RIMS2: variants seen among roughly 807,000 people sequenced by gnomAD.
RIMS2 encodes the protein regulating synaptic membrane exocytosis protein 2.
Under a neutral mutation model 174.4 loss-of-function variants are expected in RIMS2, and 59 were observed. That is an observed-to-expected ratio of 0.34 (90% CI 0.27 to 0.42). The LOEUF (loss-of-function observed/expected upper bound fraction) is 0.42. Ranked by LOEUF, RIMS2 falls within the 10% of genes least tolerant of loss-of-function variation. The pLI is 1.00. For missense variants in RIMS2, 1,620 were observed against 1,666.3 expected (o/e 0.97, Z 0.48); for synonymous variants, 606 against 572.5 (o/e 1.06, Z -0.84).
intron 1 of RIMS2, among the ~76,000 whole-genome samples, chr8:103,660,583 G>T (rs912135152): frequency 3.4e-5 from 5 of 147,378 alleles, no homozygotes; most frequent in South Asian, 2.1e-4. Flanking sequence ...ATGCTGCTTC[G>T]TGGATAAAAA....
intron 1 of RIMS2, among the ~76,000 whole-genome samples, chr8:103,520,414 G>GA (rs1831083589): frequency 1.3e-5 from 2 of 152,162 alleles, no homozygotes; most frequent in South Asian, 4.2e-4. Context: ...ATTTGTCCTT[G>GA]AACATTATCT....
intron 2 of RIMS2, among the ~76,000 whole-genome samples, chr8:103,740,756 CTCTTTAAAAATGTA>C (rs2097754207): frequency 6.6e-6 from 1 of 152,082 alleles, no homozygotes; most frequent in Non-Finnish European, 1.5e-5. Flanking sequence ...CTGTTACAGC[CTCTTTAAAAATGTA>C]TCCAGTGGAA....
intron 1 of RIMS2, among the ~76,000 whole-genome samples, chr8:103,533,687 A>G (rs1179511649): frequency 6.6e-6 from 1 of 151,506 alleles, no homozygotes; most frequent in African/African-American, 2.4e-5. Context: ...AAAAAAGAAA[A>G]AGAAAAAAAC....
chr8:103,946,657 A>C (rs746696087), intron 14 of RIMS2, among the ~76,000 whole-genome samples: 1 of 152,218 alleles, frequency 6.6e-6, no homozygotes, highest in Non-Finnish European at 1.5e-5. Flanking sequence ...CATGAATTAG[A>C]ACACCCAGTA....
intron 19 of RIMS2, chr8:104,223,504 G>T: frequency 2.1e-6 from 3 of 1,400,826 alleles, no homozygotes; most frequent in Admixed American, 3.1e-5. Context: ...TCCGGGCTGG[G>T]TCAGGGAGGC....
intron 3 of RIMS2, among the ~76,000 whole-genome samples, chr8:103,841,483 A>G (rs965094039): frequency 3.9e-5 from 6 of 152,116 alleles, no homozygotes; most frequent in Non-Finnish European, 7.4e-5. Flanking sequence ...CAACCAGGTG[A>G]ATCATCATAA....
chr8:103,701,317 A>G (rs1337933727), intron 2 of RIMS2, among the ~76,000 whole-genome samples: 1 of 152,120 alleles, frequency 6.6e-6, no homozygotes, highest in Admixed American at 6.5e-5. Context: ...ATAGTCGTAC[A>G]TATTAATGTG....
chr8:104,201,520 G>A lies in RIMS2; in HGVS notation c.3335-43396G>A, dbSNP rs962505448. Among the ~76,000 whole-genome samples, 9 of 152,084 alleles carry A rather than the reference G, an allele frequency of 5.9e-5. No homozygotes were observed. The East Asian group carries it at 1.7e-3, about 29-fold the overall frequency. ...GGCATCATAGATTTAAATGATATTG[G>A]ATTGAGACATTTTAGAAATGTAAGA... On this transcript the variant is annotated intron_variant, in intron 19 of 23. Transcript: ENST00000504942.
intron 19 of RIMS2, among the ~76,000 whole-genome samples, chr8:104,187,083 A>G (rs2098972162): frequency 6.6e-6 from 1 of 151,832 alleles, no homozygotes; most frequent in Admixed American, 6.6e-5. Flanking sequence ...ATCTCAAGTT[A>G]TATGATTTTA....
chr8:103,720,642 C>T (rs1439358850), intron 2 of RIMS2, among the ~76,000 whole-genome samples: 1 of 152,144 alleles, frequency 6.6e-6, no homozygotes, highest in African/African-American at 2.4e-5. Context: ...AGCATTCTTA[C>T]ATTGTTTAAC....
At chr8:104,128,429 G>C (rs1044032142) in intron 19 of RIMS2, among the ~76,000 whole-genome samples, 1 of 152,210 alleles carries the variant, frequency 6.6e-6, no homozygotes, top group Admixed American at 6.5e-5. Context: ...AGTCCCAGTG[G>C]TTCACGCCTG....
intron 3 of RIMS2, chr8:103,768,272 T>C (rs1183573593): frequency 7.0e-6 from 4 of 571,836 alleles, no homozygotes; most frequent in African/African-American, 5.6e-5. Flanking sequence ...GGCATTCACC[T>C]GCTTCAAGAT....
intron 3 of RIMS2, among the ~76,000 whole-genome samples, chr8:103,820,118 G>A (rs955965040): frequency 2.6e-5 from 4 of 152,028 alleles, no homozygotes; most frequent in African/African-American, 9.7e-5. Context: ...TTGTGGAACC[G>A]CGAATAATGC....
intron 13 of RIMS2, among the ~76,000 whole-genome samples, chr8:103,938,949 G>A (rs533011245): frequency 4.1e-4 from 63 of 152,264 alleles, no homozygotes; most frequent in African/African-American, 1.3e-3. Context: ...ATGGTCTTGG[G>A]CAGCTCTACC....
chr8:104,227,437 T>G (rs920745215), intron 19 of RIMS2, among the ~76,000 whole-genome samples: 2 of 152,112 alleles, frequency 1.3e-5, no homozygotes, highest in Non-Finnish European at 2.9e-5. Flanking sequence ...CTCCCTAATG[T>G]AGGATATTAC....
At chr8:103,561,956 C>T (rs1394751351) in intron 1 of RIMS2, among the ~76,000 whole-genome samples, 1 of 152,178 alleles carries the variant, frequency 6.6e-6, no homozygotes, top group Non-Finnish European at 1.5e-5. Context: ...TGCAGGGAAA[C>T]TTGCTCTTAT....
chr8:103,802,937 C>T (rs1022086642), intron 3 of RIMS2, among the ~76,000 whole-genome samples: 2 of 152,148 alleles, frequency 1.3e-5, no homozygotes, highest in Admixed American at 6.5e-5. Context: ...AGGATTCAGG[C>T]ATTTAAATTG....
At chr8:103,794,106 A>G (rs935778614) in intron 3 of RIMS2, among the ~76,000 whole-genome samples, 2 of 152,196 alleles carry the variant, frequency 1.3e-5, no homozygotes, top group Admixed American at 6.5e-5. Flanking sequence ...TGGAACCAAA[A>G]AAGAGCCCAC....
intron 3 of RIMS2, chr8:103,768,376 G>T: frequency 1.4e-6 from 1 of 736,042 alleles, no homozygotes; most frequent in Non-Finnish European, 2.5e-6. Flanking sequence ...AGAAGCATAT[G>T]GCCACAGAAG....
Sources: allele counts gnomAD v4.1 joint callset (sites outside exome capture counted in the v4.1 genomes callset), GRCh38; gene constraint gnomAD v4.1.1; transcripts MANE v1.5; gene names NCBI Gene and HGNC (gene_info 2026-07-23, HGNC 2026-07-21).